Variants in TFEC observed in about 807,000 individuals in gnomAD.
The protein encoded by TFEC is class E basic helix-loop-helix protein 34.
TFEC carries 31 observed loss-of-function variants against 41.6 expected under a neutral mutation model. That is an observed-to-expected ratio of 0.74 (90% CI 0.56 to 1.01). The LOEUF (loss-of-function observed/expected upper bound fraction) is 1.01. Ranked by LOEUF, TFEC falls within the 50% of genes least tolerant of loss-of-function variation. TFEC has a pLI of 0.00. For synonymous variants in TFEC, 143 were observed against 140.6 expected (o/e 1.02, Z -0.12); for missense variants, 402 against 404.1 (o/e 0.99, Z 0.04).
chr7:115,940,536 G>A lies in TFEC; in HGVS notation c.*15C>T, dbSNP rs376607390. 1 of 1,586,668 alleles carries A rather than the reference G, an allele frequency of 6.3e-7. No individual in the cohort carries two copies. Among genetic ancestry groups the A allele is most frequent in the Non-Finnish European group, 8.6e-7 (1 of 1,164,120 alleles). Reference sequence around the variant, plus strand: ...AGAATTGCTTTCCAGTTGATGAATTGGGTCTGTTTATTTCTTATAATTCAT... The same window carrying A: ...AGAATTGCTTTCCAGTTGATGAATTAGGTCTGTTTATTTCTTATAATTCAT... On this transcript the variant is annotated 3_prime_UTR_variant, in exon 8 of 8. Coordinates refer to ENST00000265440, the MANE Select transcript of TFEC (RefSeq NM_012252.4).
intron 1 of TFEC, among the ~76,000 whole-genome samples, chr7:116,144,279 C>T (rs1256055429): frequency 6.6e-6 from 1 of 152,024 alleles, no homozygotes; most frequent in Non-Finnish European, 1.5e-5. Context: ...AAATATCACT[C>T]ATCTAGGTAT....
intron 3 of TFEC, among the ~76,000 whole-genome samples, chr7:116,044,076 T>C (rs986173448): frequency 1.3e-5 from 2 of 152,174 alleles, no homozygotes; most frequent in Admixed American, 1.3e-4. Context: ...AGCATCTACA[T>C]GTATGGCAGA....
chr7:116,020,409 G>A (rs971334525), intron 1 of TFEC, among the ~76,000 whole-genome samples: 8 of 151,998 alleles, frequency 5.3e-5, no homozygotes, highest in East Asian at 1.9e-4. Flanking sequence ...CAAGATGATC[G>A]CTGAAACATT....
chr7:115,988,202 A>T (rs1301720557), intron 1 of TFEC, among the ~76,000 whole-genome samples: 2 of 152,138 alleles, frequency 1.3e-5, no homozygotes, highest in African/African-American at 4.8e-5. Context: ...AGGCTAAAAA[A>T]CATGGTTTGA....
chr7:115,987,478 G>C (rs1324266164), intron 1 of TFEC, among the ~76,000 whole-genome samples: 1 of 152,158 alleles, frequency 6.6e-6, no homozygotes, highest in African/African-American at 2.4e-5. Context: ...GAAATTATAG[G>C]TTGCCATTGT....
intron 1 of TFEC, among the ~76,000 whole-genome samples, chr7:116,030,424 A>G (rs1795749799): frequency 6.6e-6 from 1 of 152,240 alleles, no homozygotes; most frequent in Non-Finnish European, 1.5e-5. Flanking sequence ...TGGTTGAAAT[A>G]AGACATTAAT....
chr7:116,129,913 A>G (rs1015537840), intron 1 of TFEC, among the ~76,000 whole-genome samples: 1 of 151,806 alleles, frequency 6.6e-6, no homozygotes, highest in Non-Finnish European at 1.5e-5. Context: ...GTGGCTTCCT[A>G]TCACCATAAA....
chr7:116,106,444 A>G (rs1454796405), intron 3 of TFEC, among the ~76,000 whole-genome samples: 1 of 152,086 alleles, frequency 6.6e-6, no homozygotes. Context: ...GTGCAGTGGC[A>G]CAATCTTGGC....
chr7:116,084,369 T>C (rs1228171368), intron 3 of TFEC, among the ~76,000 whole-genome samples: 1 of 151,938 alleles, frequency 6.6e-6, no homozygotes, highest in African/African-American at 2.4e-5. Context: ...AATTATATCA[T>C]AAACACAACT....
intron 3 of TFEC, among the ~76,000 whole-genome samples, chr7:116,079,422 T>C (rs4273774): frequency 0.17 from 25,473 of 151,982 alleles, 2,261 homozygotes; most frequent in East Asian, 0.36. Flanking sequence ...ATCGTATACC[T>C]AGAAAACTCT....
chr7:115,953,240 G>A (rs1792044392), intron 5 of TFEC, among the ~76,000 whole-genome samples: 1 of 151,972 alleles, frequency 6.6e-6, no homozygotes, highest in Middle Eastern at 3.2e-3. Context: ...AAAATCCTAT[G>A]AGCTGAAAAT....
rs1794578802 is a variant in TFEC, at chr7:116,001,146, A to T, written c.-72-16633T>A. 1.3e-5 allele frequency among the ~76,000 whole-genome samples: 2 copies of T among 152,230 alleles called. 1 individual carries two copies. Among genetic ancestry groups the T allele is most frequent in the South Asian group, 4.1e-4 (2 of 4,836 alleles). On this transcript the variant is annotated intron_variant, in intron 1 of 7. Transcript: ENST00000265440. The stretch of plus-strand genomic sequence containing the variant: ...ATAGAGAACCCAGAAACAAATCCAT[A>T]AATGTAAAGTGAATTCATTTTAGAC...
At chr7:115,998,142 C>T (rs1028962202) in intron 1 of TFEC, among the ~76,000 whole-genome samples, 2 of 151,962 alleles carry the variant, frequency 1.3e-5, no homozygotes, top group African/African-American at 4.8e-5. Flanking sequence ...TCAAAGAAGG[C>T]TACCTTAAGA....
intron 5 of TFEC, among the ~76,000 whole-genome samples, chr7:115,953,345 A>G (rs1174930960): frequency 1.3e-5 from 2 of 152,048 alleles, no homozygotes; most frequent in Non-Finnish European, 2.9e-5. Flanking sequence ...TAATTTTGCT[A>G]TGATCATCAC....
At chr7:116,085,038 G>C (rs1050594010) in intron 3 of TFEC, among the ~76,000 whole-genome samples, 1 of 151,830 alleles carries the variant, frequency 6.6e-6, no homozygotes, top group East Asian at 1.9e-4. Context: ...CTTGAAGAAA[G>C]AGAAAACGTA....
chr7:116,153,457 G>A (rs1018023617), intron 1 of TFEC, among the ~76,000 whole-genome samples: 3 of 152,092 alleles, frequency 2.0e-5, no homozygotes, highest in Non-Finnish European at 4.4e-5. Context: ...TTTTTACCGT[G>A]TTGGTCAGGC....
intron 6 of TFEC, among the ~76,000 whole-genome samples, chr7:115,949,626 C>A (rs1362900820): frequency 6.6e-5 from 10 of 151,912 alleles, no homozygotes; most frequent in Admixed American, 6.6e-4. Context: ...ATAAATGGTG[C>A]TGGGAAAACT....
At chr7:116,048,964 A>G (rs1796240703) in intron 3 of TFEC, among the ~76,000 whole-genome samples, 1 of 152,242 alleles carries the variant, frequency 6.6e-6, no homozygotes, top group African/African-American at 2.4e-5. Flanking sequence ...CCTGCCTTAC[A>G]AGAGCTCCTG....
intron 3 of TFEC, among the ~76,000 whole-genome samples, chr7:116,082,600 G>C (rs1797116000): frequency 1.3e-5 from 2 of 151,934 alleles, no homozygotes; most frequent in African/African-American, 4.8e-5. Flanking sequence ...ATCGAGAAAT[G>C]TAAAAGCTAA....
Sources: allele counts gnomAD v4.1 joint callset (sites outside exome capture counted in the v4.1 genomes callset), GRCh38; gene constraint gnomAD v4.1.1; transcripts MANE v1.5; gene names NCBI Gene and HGNC (gene_info 2026-07-23, HGNC 2026-07-21).